The following GMDS variants were observed in gnomAD, a reference collection of about 807,000 sequenced individuals.
GMDS encodes the protein GDP-mannose 4,6 dehydratase.
Under a neutral mutation model 49.9 loss-of-function variants are expected in GMDS, and 20 were observed. The observed-to-expected ratio is 0.40, with a 90% CI of 0.28 to 0.58. The LOEUF is 0.58. GMDS is among the 20% of genes least tolerant of loss of function. The pLI is 0.42. For synonymous variants in GMDS, 177 were observed against 178.6 expected, an observed-to-expected ratio of 0.99 and a Z score of 0.07; for missense variants, 362 against 481.4, an observed-to-expected ratio of 0.75 and a Z score of 2.32.
At chr6:2,100,786 T>C (rs1773879584) in intron 4 of GMDS, among the ~76,000 whole-genome samples, 1 of 152,032 alleles carries the variant, frequency 6.6e-6, no homozygotes, top group South Asian at 2.1e-4. Context: ...TTAAGATTAC[T>C]TACAGTGGAA....
chr6:2,053,669 C>A (rs935186724), intron 4 of GMDS, among the ~76,000 whole-genome samples: 2 of 151,940 alleles, frequency 1.3e-5, no homozygotes, highest in Non-Finnish European at 2.9e-5. Context: ...GGTACTTATT[C>A]AACATACTAA....
chr6:2,041,740 A>G (rs1769696128), intron 4 of GMDS, among the ~76,000 whole-genome samples: 1 of 152,200 alleles, frequency 6.6e-6, no homozygotes, highest in African/African-American at 2.4e-5. Context: ...TTTTTTAAAC[A>G]TCAATTTTAT....
intron 8 of GMDS, among the ~76,000 whole-genome samples, chr6:1,737,628 TAC>T (rs1429144404): frequency 8.7e-6 from 1 of 115,166 alleles, no homozygotes; most frequent in African/African-American, 3.6e-5. Context: ...CACACACAGA[TAC>T]ACACGCACAC....
intron 8 of GMDS, among the ~76,000 whole-genome samples, chr6:1,735,525 A>T (rs924661217): frequency 1.3e-5 from 2 of 152,226 alleles, no homozygotes; most frequent in African/African-American, 2.4e-5. Context: ...GGAAGTGGCC[A>T]GGAGAAGCAG....
intron 7 of GMDS, among the ~76,000 whole-genome samples, chr6:1,888,455 G>A (rs997524885): frequency 6.6e-6 from 1 of 151,994 alleles, no homozygotes; most frequent in Middle Eastern, 3.2e-3. Context: ...ACTCACTATC[G>A]AAAGAACACC....
At chr6:1,660,531 G>A (rs1581424577) in intron 9 of GMDS, among the ~76,000 whole-genome samples, 1 of 151,760 alleles carries the variant, frequency 6.6e-6, no homozygotes, top group South Asian at 2.1e-4. Context: ...CGGATGTAGG[G>A]GGTCACATGT....
At chr6:1,786,805 T>C (rs551528704) in intron 7 of GMDS, among the ~76,000 whole-genome samples, 1 of 152,112 alleles carries the variant, frequency 6.6e-6, no homozygotes, top group Admixed American at 6.5e-5. Context: ...TGTGGTTTTT[T>C]TTTTTATCAC....
chr6:1,700,095 A>G (rs1170071501), intron 9 of GMDS, among the ~76,000 whole-genome samples: 1 of 152,160 alleles, frequency 6.6e-6, no homozygotes, highest in Non-Finnish European at 1.5e-5. Context: ...AAAGTGTATG[A>G]GCTCCCACAA....
At chr6:1,671,353 T>C (rs1372393747) in intron 9 of GMDS, among the ~76,000 whole-genome samples, 4 of 152,154 alleles carry the variant, frequency 2.6e-5, no homozygotes, top group African/African-American at 7.2e-5. Context: ...ACTGCTCCCC[T>C]GCTGGGGTGC....
At chr6:2,032,657 AAT>A (rs1245534223) in intron 4 of GMDS, among the ~76,000 whole-genome samples, 4 of 152,196 alleles carry the variant, frequency 2.6e-5, no homozygotes, top group African/African-American at 9.6e-5. Flanking sequence ...AGCTTATGAA[AAT>A]ATAGAGAGAG....
At chr6:2,179,583 G>A (rs186251063) in intron 1 of GMDS, among the ~76,000 whole-genome samples, 1 of 152,282 alleles carries the variant, frequency 6.6e-6, no homozygotes, top group African/African-American at 2.4e-5. Context: ...TGGAAGTAGA[G>A]AGCAGCCCTC....
At position 2,125,426 on chromosome 6, in the gene GMDS, C is replaced by A. The variant is rs538146645; in HGVS notation, c.103-695G>T. ...TACAGGTGTGAGCCACCATGCCCAGCCCAAAACATCTTTAAAAATTAGCCA... is the reference window on the plus strand; with the variant it reads ...TACAGGTGTGAGCCACCATGCCCAGACCAAAACATCTTTAAAAATTAGCCA... On this transcript the variant is annotated intron_variant, in intron 1 of 10. Transcript: ENST00000380815. 4.6e-5 allele frequency among the ~76,000 whole-genome samples: 7 copies of A among 152,194 alleles called. No homozygotes were observed. In the South Asian group the frequency reaches 1.5e-3, roughly 32 times the overall value.
chr6:1,935,708 C>A (rs1035836798), intron 6 of GMDS, among the ~76,000 whole-genome samples: 1 of 152,074 alleles, frequency 6.6e-6, no homozygotes, highest in African/African-American at 2.4e-5. Context: ...AAAAGTATAT[C>A]CATAAGACCG....
At chr6:2,149,627 CTT>C (rs1312767703) in intron 1 of GMDS, among the ~76,000 whole-genome samples, 1 of 152,164 alleles carries the variant, frequency 6.6e-6, no homozygotes, top group Non-Finnish European at 1.5e-5. Flanking sequence ...ATTTTATGCT[CTT>C]GCGTGGATTC....
chr6:1,640,532 C>T lies in GMDS; in HGVS notation c.988-15992G>A, dbSNP rs1442866603. Among the ~76,000 whole-genome samples, 1 of 152,206 alleles carries T rather than the reference C, an allele frequency of 6.6e-6. No homozygotes were observed. Among genetic ancestry groups the T allele is most frequent in the Non-Finnish European group, 1.5e-5 (1 of 68,032 alleles). On this transcript the variant is annotated intron_variant, in intron 9 of 10. Coordinates refer to ENST00000380815, the MANE Select transcript of GMDS (RefSeq NM_001500.4). The surrounding 1 kb of genome is among the most constrained non-coding windows in gnomAD (Gnocchi z 4.0). ...CTGCTGAGCGGCTCTCTGAGGCTAT[C>T]CCATGCCCGTGGAACATGCTGGATG...
At chr6:2,207,160 A>G (rs1779843866) in intron 1 of GMDS, among the ~76,000 whole-genome samples, 1 of 152,138 alleles carries the variant, frequency 6.6e-6, no homozygotes, top group Non-Finnish European at 1.5e-5. Flanking sequence ...GTCAACAATA[A>G]TCAATGACCT....
chr6:1,762,843 T>C (rs1768212587), intron 7 of GMDS, among the ~76,000 whole-genome samples: 1 of 152,366 alleles, frequency 6.6e-6, no homozygotes, highest in East Asian at 1.9e-4. Context: ...ATTTTAAATG[T>C]GTTACCCTAA....
chr6:1,831,354 G>C (rs1756632943), intron 7 of GMDS, among the ~76,000 whole-genome samples: 1 of 152,210 alleles, frequency 6.6e-6, no homozygotes, highest in Non-Finnish European at 1.5e-5. Flanking sequence ...AGTTTCTTTA[G>C]TAAAACGAGG....
intron 7 of GMDS, among the ~76,000 whole-genome samples, chr6:1,820,848 G>A (rs1321985437): frequency 6.6e-6 from 1 of 152,172 alleles, no homozygotes; most frequent in Non-Finnish European, 1.5e-5. Context: ...TGAATTATCA[G>A]TTGAGATTTC....
Sources: gnomAD v4.1 joint callset for allele counts (sites outside exome capture counted in the v4.1 genomes callset) on GRCh38, gnomAD v4.1.1 for gene constraint, Gnocchi (gnomAD v3.1) non-coding constraint, MANE v1.5 for transcripts, NCBI Gene and HGNC (gene_info 2026-07-23, HGNC 2026-07-21) for gene names.